Variants in MICAL2 observed in about 807,000 individuals in gnomAD.
MICAL2 encodes the protein microtubule associated monooxygenase, calponin and LIM domain containing 2.
Under a neutral mutation model 127.3 loss-of-function variants are expected in MICAL2, and 77 were observed. The observed-to-expected ratio is 0.60, with a 90% CI of 0.50 to 0.73. The LOEUF is 0.73. Ranked by LOEUF, MICAL2 falls within the 30% of genes least tolerant of loss-of-function variation. MICAL2 has a pLI of 0.00. For missense variants in MICAL2, 1,351 were observed against 1,434.4 expected (o/e 0.94, Z 0.94); for synonymous variants, 570 against 551.1 (o/e 1.03, Z -0.48).
At chr11:12,252,082 T>C (rs540818586) in intron 22 of MICAL2, among the ~76,000 whole-genome samples, 6 of 152,218 alleles carry the variant, frequency 3.9e-5, no homozygotes, top group South Asian at 4.1e-4. Context: ...GCTGAGAATA[T>C]AACTGACCTC....
intron 26 of MICAL2, chr11:12,261,914 A>G (rs1863169333): frequency 1.0e-6 from 1 of 986,266 alleles, no homozygotes; most frequent in Non-Finnish European, 1.2e-6. Flanking sequence ...TAAATTTTTG[A>G]GGTCATGATG....
downstream of MICAL2, chr11:12,294,612 T>G (rs1465213071): frequency 6.2e-7 from 1 of 1,614,114 alleles, no homozygotes; most frequent in African/African-American, 1.3e-5. Flanking sequence ...AAGAAAAGAA[T>G]CTCACTTTTT....
intron 10 of MICAL2, 74 bp downstream of exon 10, chr11:12,221,833 AGGTGACTGCTGGATATACCT>A: frequency 8.3e-7 from 1 of 1,205,000 alleles, no homozygotes; most frequent in Non-Finnish European, 1.2e-6. Flanking sequence ...ATCACCCCGC[AGGTGACTGCTGGATATACCT>A]GGAGCCTCTG....
intron 32 of MICAL2, among the ~76,000 whole-genome samples, chr11:12,344,558 T>TGGTGCAATCGGGGTTC (rs1938922994): frequency 6.7e-6 from 1 of 148,784 alleles, no homozygotes; most frequent in Non-Finnish European, 1.5e-5. Flanking sequence ...TGGAGTGCAA[T>TGGTGCAATCGGGGTTC]GGTGCAATCG....
At chr11:12,217,614 G>T (rs1400065173) in intron 8 of MICAL2, among the ~76,000 whole-genome samples, 2 of 152,140 alleles carry the variant, frequency 1.3e-5, no homozygotes, top group Non-Finnish European at 2.9e-5. Context: ...CAGAGGAGAG[G>T]TTAGGCAGGC....
At chr11:12,279,270 G>A (rs568705751) in intron 1 of MICAL2, among the ~76,000 whole-genome samples, 6 of 152,244 alleles carry the variant, frequency 3.9e-5, no homozygotes, top group East Asian at 1.9e-4. Flanking sequence ...ACTTTCCAAC[G>A]GGAGGCTCAT....
intron 2 of MICAL2, among the ~76,000 whole-genome samples, chr11:12,282,860 C>T (rs138570539): frequency 9.6e-4 from 146 of 152,282 alleles, no homozygotes; most frequent in African/African-American, 3.3e-3. Flanking sequence ...TTTCTTACAG[C>T]AACCCTTGCT....
chr11:12,151,819 A>C (rs1381804469), intron 2 of MICAL2, among the ~76,000 whole-genome samples: 1 of 152,208 alleles, frequency 6.6e-6, no homozygotes, highest in African/African-American at 2.4e-5. Context: ...GCAAGGGTCC[A>C]GGAGGAAGGA....
At chr11:12,307,412 A>G (rs183610319) in intron 29 of MICAL2, among the ~76,000 whole-genome samples, 1 of 152,312 alleles carries the variant, frequency 6.6e-6, no homozygotes, top group Admixed American at 6.5e-5. Context: ...TCTTTCAAAG[A>G]GCAGAACTTT....
rs940765745 is a variant in MICAL2 at position 12,179,628 on chromosome 11, G to A, written c.264+17209G>A. Reference sequence around the variant, plus strand: ...TTTTGCCCATCTGGGAGCCCACATTGTGCCTTTGCAATCGTGTTCAGCAGC... The same window carrying A: ...TTTTGCCCATCTGGGAGCCCACATTATGCCTTTGCAATCGTGTTCAGCAGC... On this transcript the variant is annotated intron_variant, in intron 3 of 27. Transcript: ENST00000683283. Among the ~76,000 whole-genome samples the A allele has an allele frequency of 4.1e-4, 62 of 152,114 alleles. 1 individual carries two copies. Among genetic ancestry groups the A allele is most frequent in the Admixed American group, 3.5e-3 (54 of 15,278 alleles).
rs777916894 is a variant in MICAL2 at position 12,216,306 on chromosome 11, G to T, written c.935G>T (p.Gly312Val). Residue 312 changes from glycine (G) to valine (V), a missense_variant, in exon 8 of 28, where the codon GGT becomes GTT. Physicochemically the swap from Gly to Val is moderately radical, Grantham distance 109. Coordinates refer to ENST00000683283, the MANE Select transcript of MICAL2 (RefSeq NM_001282663.2). ...TAKKQSLLDK[G>V]VIINDYIDTE... is the part of the protein sequence containing the mutation. Reference sequence around the variant, plus strand: ...AAGAAGCAGAGCCTGCTCGACAAAGGTGTCATCATTAACGTACGTACCTCT... The same window carrying T: ...AAGAAGCAGAGCCTGCTCGACAAAGTTGTCATCATTAACGTACGTACCTCT... 1.3e-5 allele frequency: 21 copies of T among 1,613,594 alleles called. No individual in the cohort carries two copies. Among genetic ancestry groups the T allele is most frequent in the South Asian group, 5.5e-5 (5 of 91,068 alleles).
chr11:12,245,390 A>G (rs1860593242), intron 21 of MICAL2, among the ~76,000 whole-genome samples: 2 of 152,254 alleles, frequency 1.3e-5, no homozygotes, highest in Admixed American at 1.3e-4. Context: ...GTGAAAAATT[A>G]GAAGCTGCCC....
intron 3 of MICAL2, among the ~76,000 whole-genome samples, chr11:12,170,937 CGA>C (rs1856175449): frequency 5.9e-5 from 9 of 152,338 alleles, no homozygotes; most frequent in African/African-American, 2.2e-4. Flanking sequence ...GATAGAGGAG[CGA>C]ACTCTGTGGC....
intron 1 of MICAL2, among the ~76,000 whole-genome samples, chr11:12,113,549 C>G (rs971133916): frequency 2.0e-5 from 3 of 152,234 alleles, no homozygotes; most frequent in African/African-American, 7.2e-5. Flanking sequence ...CAGTCATCTC[C>G]CTTATCCGCG....
At chr11:12,313,036 C>T (rs994585627) in intron 29 of MICAL2, among the ~76,000 whole-genome samples, 2 of 152,050 alleles carry the variant, frequency 1.3e-5, no homozygotes, top group East Asian at 1.9e-4. Flanking sequence ...GGCGGCATGG[C>T]GGGCGCCTGT....
intron 1 of MICAL2, among the ~76,000 whole-genome samples, chr11:12,123,867 C>A (rs1327505875): frequency 6.6e-6 from 1 of 152,004 alleles, no homozygotes; most frequent in African/African-American, 2.4e-5. Context: ...TTTTATACAG[C>A]GAAGGCAGTG....
intron 5 of MICAL2, 43 bp from the exon 6 acceptor site, chr11:12,209,454 C>T: frequency 1.3e-6 from 2 of 1,491,186 alleles, no homozygotes; most frequent in Non-Finnish European, 1.9e-6. Context: ...CATTCTCTTC[C>T]CACCTCTCTC....
At chr11:12,164,045 G>A (rs558455601) in intron 3 of MICAL2, among the ~76,000 whole-genome samples, 23 of 152,200 alleles carry the variant, frequency 1.5e-4, no homozygotes, top group African/African-American at 5.1e-4. Flanking sequence ...ATTGTCACAG[G>A]GAGTCAGCCA....
intron 26 of MICAL2, 80 bp downstream of exon 26, chr11:12,259,977 A>T: frequency 6.4e-7 from 1 of 1,569,240 alleles, no homozygotes; most frequent in Non-Finnish European, 8.6e-7. Flanking sequence ...GGATGCAGGG[A>T]CTCCTGCAAG....
Sources: allele counts gnomAD v4.1 joint callset (sites outside exome capture counted in the v4.1 genomes callset), GRCh38; gene constraint gnomAD v4.1.1; transcripts MANE v1.5; gene names NCBI Gene and HGNC (gene_info 2026-07-23, HGNC 2026-07-21).